The following GPM6A variants were observed in gnomAD, a reference collection of about 807,000 sequenced individuals.
GPM6A encodes the protein neuronal membrane glycoprotein M6-a.
A neutral mutation model predicts 32.1 loss-of-function variants in GPM6A; 7 were observed. That is an observed-to-expected ratio of 0.22 (90% CI 0.12 to 0.41). The LOEUF (loss-of-function observed/expected upper bound fraction) is 0.41, where lower values mean the gene tolerates loss of function less well. GPM6A is among the 10% of genes least tolerant of loss of function. The pLI is 1.00. For synonymous variants in GPM6A, 130 were observed against 123.4 expected, an observed-to-expected ratio of 1.05 and a Z score of -0.35; for missense variants, 235 against 347.2, an observed-to-expected ratio of 0.68 and a Z score of 2.57.
chr4:175,670,805 A>G (rs1454585170), intron 3 of GPM6A, among the ~76,000 whole-genome samples: 1 of 152,010 alleles, frequency 6.6e-6, no homozygotes, highest in African/African-American at 2.4e-5. Context: ...AAAGGCATTC[A>G]TTAAGTAAAG....
chr4:175,718,622 A>G (rs550132624), intron 1 of GPM6A, among the ~76,000 whole-genome samples: 1 of 151,828 alleles, frequency 6.6e-6, no homozygotes, highest in Non-Finnish European at 1.5e-5. Flanking sequence ...TCGAAAAAAA[A>G]ATATAATGAA....
At chr4:175,780,643 C>T (rs1421441643) in intron 1 of GPM6A, among the ~76,000 whole-genome samples, 1 of 152,180 alleles carries the variant, frequency 6.6e-6, no homozygotes, top group Non-Finnish European at 1.5e-5. Flanking sequence ...AACCATGTAA[C>T]TTATTTTAAA....
At chr4:175,662,285 G>A (rs926094323) in intron 3 of GPM6A, among the ~76,000 whole-genome samples, 12 of 151,884 alleles carry the variant, frequency 7.9e-5, no homozygotes, top group African/African-American at 4.8e-5. Flanking sequence ...CTAGTGCTTC[G>A]CTTTCTTTCT....
chr4:175,660,713 C>T (rs898675669), intron 3 of GPM6A, among the ~76,000 whole-genome samples: 8 of 152,090 alleles, frequency 5.3e-5, no homozygotes, highest in African/African-American at 1.9e-4. Flanking sequence ...CCCCTGTTAA[C>T]AAGGGTCTTG....
intron 1 of GPM6A, among the ~76,000 whole-genome samples, chr4:175,998,047 C>T (rs963717367): frequency 3.6e-4 from 54 of 152,058 alleles, no homozygotes; most frequent in Non-Finnish European, 7.1e-4. Flanking sequence ...GTTGGTAACC[C>T]TTTCATCTTT....
At chr4:175,800,074 T>C (rs1490749532) in intron 1 of GPM6A, among the ~76,000 whole-genome samples, 1 of 152,150 alleles carries the variant, frequency 6.6e-6, no homozygotes, top group Non-Finnish European at 1.5e-5. Flanking sequence ...AATAGAATGA[T>C]CCTGAGAGTA....
intron 1 of GPM6A, among the ~76,000 whole-genome samples, chr4:175,969,739 T>C (rs2126419466): frequency 6.6e-6 from 1 of 152,124 alleles, no homozygotes; most frequent in South Asian, 2.1e-4. Flanking sequence ...AACAACAATA[T>C]ATCAACATTG....
chr4:175,841,679 T>C (rs1358354029), intron 1 of GPM6A, among the ~76,000 whole-genome samples: 1 of 152,196 alleles, frequency 6.6e-6, no homozygotes, highest in African/African-American at 2.4e-5. Flanking sequence ...AGGAATAACC[T>C]TTCATATCCA....
At chr4:175,893,789 T>C (rs1425234596) in intron 1 of GPM6A, among the ~76,000 whole-genome samples, 1 of 152,200 alleles carries the variant, frequency 6.6e-6, no homozygotes, top group East Asian at 1.9e-4. Flanking sequence ...CACTGAAGAA[T>C]ATAAGTTTAT....
At chr4:175,637,688 ATATAATATAT>A in intron 6 of GPM6A, among the ~76,000 whole-genome samples, 1 of 1,670 alleles carries the variant, frequency 6.0e-4, no homozygotes, top group Admixed American at 8.9e-3. Flanking sequence ...TATATATAAT[ATATAATATAT>A]TATATATTAT....
chr4:175,821,210 T>C (rs1735268542), intron 1 of GPM6A, among the ~76,000 whole-genome samples: 1 of 152,194 alleles, frequency 6.6e-6, no homozygotes, highest in Non-Finnish European at 1.5e-5. Flanking sequence ...TAATTATATA[T>C]CTTAATATGA....
intron 1 of GPM6A, chr4:175,807,209 A>G (rs559687640): frequency 6.6e-6 from 1 of 152,202 alleles, no homozygotes; most frequent in African/African-American, 2.4e-5. Context: ...TGATTTAGGG[A>G]CGAATTTATT....
chr4:175,637,668 A>ACAT (rs1740836619), intron 6 of GPM6A, among the ~76,000 whole-genome samples: 2 of 63,712 alleles, frequency 3.1e-5, no homozygotes, highest in South Asian at 3.2e-4. Context: ...AATATATAAT[A>ACAT]TATATAATAT....
intron 3 of GPM6A, among the ~76,000 whole-genome samples, chr4:175,657,173 T>C (rs17061764): frequency 0.049 from 7,530 of 152,298 alleles, 211 homozygotes; most frequent in Non-Finnish European, 0.061. Context: ...AGTAGCAATC[T>C]AATCATGTTT....
At chr4:175,913,045 C>A (rs768769652) in intron 1 of GPM6A, among the ~76,000 whole-genome samples, 1 of 152,168 alleles carries the variant, frequency 6.6e-6, no homozygotes, top group Admixed American at 6.5e-5. Flanking sequence ...AAACTCCTAG[C>A]ATTTTCTGTA....
chr4:175,892,498 C>T (rs919757706), intron 1 of GPM6A, among the ~76,000 whole-genome samples: 28 of 152,196 alleles, frequency 1.8e-4, no homozygotes, highest in African/African-American at 6.8e-4. Context: ...TCCTGTTGCA[C>T]TCTATTTTTA....
chr4:175,880,124 C>T (rs1579591890), intron 1 of GPM6A, among the ~76,000 whole-genome samples: 4 of 152,174 alleles, frequency 2.6e-5, no homozygotes. Context: ...GTTTTCCCAG[C>T]ACCATTTGTT....
intron 1 of GPM6A, among the ~76,000 whole-genome samples, chr4:175,960,930 A>G (rs1027190830): frequency 6.6e-6 from 1 of 152,246 alleles, no homozygotes; most frequent in Non-Finnish European, 1.5e-5. Context: ...AGACATAGCT[A>G]CTTTTCCATT....
chr4:175,891,660 A>G (rs1161966139), intron 1 of GPM6A: 1 of 152,242 alleles, frequency 6.6e-6, no homozygotes, highest in Non-Finnish European at 1.5e-5. Flanking sequence ...AAGTCATTCT[A>G]ATTTCAGGAC....
Sources: gnomAD v4.1 joint callset for allele counts (sites outside exome capture counted in the v4.1 genomes callset) on GRCh38, gnomAD v4.1.1 for gene constraint, MANE v1.5 for transcripts, NCBI Gene and HGNC (gene_info 2026-07-23, HGNC 2026-07-21) for gene names.